Variants in DAB2IP observed in about 807,000 individuals in gnomAD.
DAB2IP encodes the protein DAB2 interacting protein, also known as disabled homolog 2-interacting protein.
In DAB2IP, 28 loss-of-function variants were observed where a neutral mutation model predicts 107.2. The ratio of observed to expected loss-of-function variants is 0.26; its 90% CI spans 0.19 to 0.36. The LOEUF (loss-of-function observed/expected upper bound fraction) is 0.36, where lower values mean the gene tolerates loss of function less well. DAB2IP is among the 10% of genes least tolerant of loss of function. DAB2IP has a pLI of 1.00. For missense variants in DAB2IP, 1,400 were observed against 1,644.7 expected, an observed-to-expected ratio of 0.85 and a Z score of 2.57; for synonymous variants, 755 against 706.4, an observed-to-expected ratio of 1.07 and a Z score of -1.09.
intron 6 of DAB2IP, among the ~76,000 whole-genome samples, chr9:121,762,753 T>C (rs1833985354): frequency 6.6e-6 from 1 of 152,216 alleles, no homozygotes. Flanking sequence ...AGGTTAGTTG[T>C]GAGCACAAGG....
At chr9:121,687,521 C>A (rs893655559) in intron 2 of DAB2IP, among the ~76,000 whole-genome samples, 5 of 152,172 alleles carry the variant, frequency 3.3e-5, no homozygotes, top group African/African-American at 1.2e-4. Flanking sequence ...GGGGGTAAGG[C>A]GGGCATTGTG....
At chr9:121,605,843 G>T (rs1192806831) in intron 1 of DAB2IP, among the ~76,000 whole-genome samples, 1 of 152,154 alleles carries the variant, frequency 6.6e-6, no homozygotes, top group Non-Finnish European at 1.5e-5. Flanking sequence ...AAAAGTACTT[G>T]TGAAGGGCCT....
In DAB2IP at chr9:121,699,967, G is replaced by A. The variant is rs1829678891; in HGVS notation, c.362+509G>A. On this transcript the variant is annotated intron_variant, in intron 3 of 15. Transcript: ENST00000408936. The surrounding 1 kb of genome is among the most constrained non-coding windows in gnomAD (Gnocchi z 6.2). ...GAGGAGCAGGGGGCTGGGCCACTTA[G>A]GGGGCACATCTGCTCTAAGTAGGGC... Among the ~76,000 whole-genome samples, 1 of 152,206 alleles carries A rather than the reference G, an allele frequency of 6.6e-6. No individual in the cohort carries two copies. The highest frequency in any genetic ancestry group is 2.1e-4 in the South Asian group (1 of 4,832).
At chr9:121,601,446 T>G (rs1438977599) in intron 1 of DAB2IP, among the ~76,000 whole-genome samples, 1 of 152,210 alleles carries the variant, frequency 6.6e-6, no homozygotes, top group Non-Finnish European at 1.5e-5. Flanking sequence ...GCAACATTCT[T>G]CCTGTTTGGG....
At chr9:121,759,848 C>A (rs1332524643) in intron 5 of DAB2IP, 37 bp from the exon 6 acceptor site, 2 of 1,570,438 alleles carry the variant, frequency 1.3e-6, no homozygotes, top group Non-Finnish European at 1.7e-6. Context: ...CACGTGGCAC[C>A]CCCAGCTGAC....
At chr9:121,582,524 C>T (rs1830222165) in intron 1 of DAB2IP, among the ~76,000 whole-genome samples, 1 of 152,070 alleles carries the variant, frequency 6.6e-6, no homozygotes, top group Non-Finnish European at 1.5e-5. Context: ...ACATCCCCTG[C>T]TGCAGACCTC....
intron 1 of DAB2IP, among the ~76,000 whole-genome samples, chr9:121,577,469 G>A (rs1830090699): frequency 6.6e-6 from 1 of 152,230 alleles, no homozygotes; most frequent in Admixed American, 6.5e-5. Flanking sequence ...TCTGCCAGTG[G>A]GCCTCTGTCT....
rs1407089525 is a variant in DAB2IP, at chr9:121,634,063, CT to C, written c.41-44614del. Among the ~76,000 whole-genome samples, 6 of 152,354 alleles carry C rather than the reference CT, an allele frequency of 3.9e-5. No homozygotes were observed. In the South Asian group the frequency reaches 1.2e-3, roughly 32 times the overall value. On this transcript the variant is annotated intron_variant, in intron 1 of 16. Coordinates refer to the DAB2IP transcript ENST00000259371. This position sits in a 1 kb window ranked among gnomAD's most constrained non-coding sequence, Gnocchi z 4.7. ...GTGGAAGCCTATGTGTCCCACCAGA[CT>C]GTCAGCTCTCTGAGGACAGGGACTG...
intron 1 of DAB2IP, among the ~76,000 whole-genome samples, chr9:121,659,064 A>G (rs1012622561): frequency 3.9e-5 from 6 of 152,200 alleles, no homozygotes; most frequent in Non-Finnish European, 8.8e-5. Context: ...TGAAATGAAA[A>G]AAGGCAGAGC....
intron 1 of DAB2IP, among the ~76,000 whole-genome samples, chr9:121,670,332 A>G (rs1833625370): frequency 6.6e-6 from 1 of 152,258 alleles, no homozygotes; most frequent in South Asian, 2.1e-4. Context: ...GTTAAAACTT[A>G]GCGGCTTAAA....
chr9:121,783,243 C>A (rs917035594), exon 16 of DAB2IP: 1 of 1,263,510 alleles, frequency 7.9e-7, no homozygotes, highest in Admixed American at 3.3e-5. Flanking sequence ...GAGCTCTTGT[C>A]CCTGTGGGGA....
At chr9:121,607,615 G>A (rs1369223097) in intron 1 of DAB2IP, among the ~76,000 whole-genome samples, 3 of 152,048 alleles carry the variant, frequency 2.0e-5, no homozygotes, top group South Asian at 2.1e-4. Context: ...CCACCCCATC[G>A]TTCCTTTGTT....
rs75560494 is a variant in DAB2IP at position 121,750,783 on chromosome 9, C to T, written c.363-6230C>T. On this transcript the variant is annotated intron_variant, in intron 3 of 15. Transcript: ENST00000408936. The stretch of plus-strand genomic sequence containing the variant: ...TGAGTTTGCTGAGCTTTTGTGTCAC[C>T]GACCTTTTAAGAGAAAAAAGGATCA... Among the ~76,000 whole-genome samples the T allele has an allele frequency of 0.022, 3,301 of 152,266 alleles. 189 individuals are homozygous for T. In the East Asian group the frequency reaches 0.24, roughly 11 times the overall value.
chr9:121,621,984 C>CTTTTTTTTTTTT (rs1202929145), intron 1 of DAB2IP, among the ~76,000 whole-genome samples: 64 of 99,686 alleles, frequency 6.4e-4, no homozygotes, highest in Non-Finnish European at 9.1e-4. Flanking sequence ...TTTTTTCTTT[C>CTTTTTTTTTTTT]TTTTTTTTTT....
intron 2 of DAB2IP, among the ~76,000 whole-genome samples, chr9:121,691,534 A>C (rs905783890): frequency 6.6e-6 from 1 of 152,136 alleles, no homozygotes. Flanking sequence ...AAAAAAAAAA[A>C]AACTATGACC....
intron 2 of DAB2IP, among the ~76,000 whole-genome samples, chr9:121,686,602 G>A (rs191528630): frequency 7.4e-4 from 113 of 152,288 alleles, no homozygotes; most frequent in Non-Finnish European, 1.4e-3. Flanking sequence ...GCCTCTCCCA[G>A]GGATAGTCCC....
At chr9:121,700,830 C>T (rs1422776983) in intron 3 of DAB2IP, among the ~76,000 whole-genome samples, 2 of 152,192 alleles carry the variant, frequency 1.3e-5, no homozygotes, top group Non-Finnish European at 2.9e-5. Context: ...CAGCCTGAGG[C>T]GGGACCCTCA....
intron 3 of DAB2IP, among the ~76,000 whole-genome samples, chr9:121,704,878 TG>T (rs1454472453): frequency 2.0e-5 from 3 of 152,180 alleles, no homozygotes; most frequent in African/African-American, 7.2e-5. Flanking sequence ...GGCATGGAGC[TG>T]GGGCCTATGC....
At chr9:121,737,344 C>G in intron 3 of DAB2IP, 1 of 985,478 alleles carries the variant, frequency 1.0e-6, no homozygotes, top group Non-Finnish European at 1.2e-6. Flanking sequence ...CTGAAGGACA[C>G]GGAAACCTTT....
Sources: allele counts gnomAD v4.1 joint callset (sites outside exome capture counted in the v4.1 genomes callset), GRCh38; gene constraint gnomAD v4.1.1; non-coding constraint Gnocchi (gnomAD v3.1); transcripts MANE v1.5; gene names NCBI Gene and HGNC (gene_info 2026-07-23, HGNC 2026-07-21).